The following SLC12A3 variants were observed in gnomAD, a reference collection of about 807,000 sequenced individuals.
SLC12A3 encodes the protein solute carrier family 12 member 3, also known as Na-Cl cotransporter.
In SLC12A3, 104 loss-of-function variants were observed where a neutral mutation model predicts 121.0. That is an observed-to-expected ratio of 0.86 (90% confidence interval 0.73 to 1.01). The LOEUF is 1.01. Ranked by LOEUF, SLC12A3 falls within the 50% of genes least tolerant of loss-of-function variation. The probability of loss-of-function intolerance (pLI) is 0.00; values close to 1 mark genes in which losing one functional copy is unlikely to be tolerated. For synonymous variants in SLC12A3, 536 were observed against 533.4 expected (o/e 1.00, Z -0.07); for missense variants, 1,328 against 1,356.3 (o/e 0.98, Z 0.33).
chr16:56,887,306 G>A (rs1428087529), intron 17 of SLC12A3, among the ~76,000 whole-genome samples: 1 of 152,088 alleles, frequency 6.6e-6, no homozygotes. Context: ...CCGGGTTCAA[G>A]TGATTCTCCT....
At chr16:56,868,707 G>A (rs1964419207) in intron 3 of SLC12A3, among the ~76,000 whole-genome samples, 1 of 152,108 alleles carries the variant, frequency 6.6e-6, no homozygotes, top group Non-Finnish European at 1.5e-5. Context: ...TCACGCTTTG[G>A]GAGGCTGTAA....
At chr16:56,873,374 CTTTTTTTT>C (rs59478629) in intron 8 of SLC12A3, among the ~76,000 whole-genome samples, 14 of 75,372 alleles carry the variant, frequency 1.9e-4, no homozygotes, top group Non-Finnish European at 2.2e-4. Flanking sequence ...CTCTTTCTTT[CTTTTTTTT>C]TTTTTTTTTT....
chr16:56,902,526 GGTGGGA>G lies in SLC12A3; in HGVS notation c.2856+19_2856+24del. ...GAGTCAAGGTGCAGAGAGGGGTGGG[GGTGGGA>G]AACGCGACACATCACTGGGTCAGGG... On this transcript the variant is annotated intron_variant, in intron 24 of 25. Transcript: ENST00000563236. The G allele has an allele frequency of 6.4e-7, 1 of 1,554,324 alleles. No homozygotes were observed. The highest frequency in any genetic ancestry group is 8.8e-7 in the Non-Finnish European group (1 of 1,131,940).
chr16:56,886,711 C>T (rs1282960689), intron 16 of SLC12A3, among the ~76,000 whole-genome samples: 3 of 152,086 alleles, frequency 2.0e-5, no homozygotes, highest in Admixed American at 6.5e-5. Flanking sequence ...CCCATTCTCT[C>T]CCCTTCCTGG....
chr16:56,875,260 T>A (rs1224653352), intron 8 of SLC12A3, among the ~76,000 whole-genome samples: 1 of 152,100 alleles, frequency 6.6e-6, no homozygotes, highest in Non-Finnish European at 1.5e-5. Flanking sequence ...CACTGTGACA[T>A]TTTGGGCAAG....
At chr16:56,906,619 A>C in intron 25 of SLC12A3, 1 of 372,136 alleles carries the variant, frequency 2.7e-6, no homozygotes. Context: ...TATGTCCTTC[A>C]CCCTGGGAAG....
Position 56,878,068 on chromosome 16 carries a change from CTCCTTCAGGA to C in SLC12A3, c.1096-8_1097del. ...CCTCCCTCCCTCCCTCTCTCCCTCC[CTCCTTCAGGA>C]CCCTGCTATAGCCATCCCCAAGGGG... is the stretch of plus-strand genomic sequence containing the variant. On this transcript the variant is annotated splice_acceptor_variant and splice_polypyrimidine_tract_variant and coding_sequence_variant and intron_variant, in exon 9 of 26. Coordinates refer to ENST00000563236, the MANE Select transcript of SLC12A3 (RefSeq NM_001126108.2). LOFTEE classifies it high-confidence loss of function. 1 of 1,373,248 alleles carries C rather than the reference CTCCTTCAGGA, an allele frequency of 7.3e-7. No homozygotes were observed. Among genetic ancestry groups the C allele is most frequent in the Non-Finnish European group, 1.0e-6 (1 of 988,048 alleles). 85.1% of individuals were successfully genotyped at this position (1,373,248 alleles called of 1,614,324 possible). A position where few individuals can be genotyped will look rare whatever the true frequency, so the allele number is the denominator to read the frequency against.
At chr16:56,879,814 C>A (rs1434694726) in intron 11 of SLC12A3, among the ~76,000 whole-genome samples, 165 bp downstream of exon 11, 1 of 152,134 alleles carries the variant, frequency 6.6e-6, no homozygotes, top group Non-Finnish European at 1.5e-5. Context: ...TTGAAGGAAG[C>A]AGCCCCCTCC....
In SLC12A3 at chr16:56,893,063, C is replaced by A. The variant is rs2055411956; in HGVS notation, c.2521+9C>A. The A allele has an allele frequency of 6.2e-7, 1 of 1,610,810 alleles. No homozygotes were observed. Among genetic ancestry groups the A allele is most frequent in the Non-Finnish European group, 8.5e-7 (1 of 1,177,068 alleles). ...GCTCTTTGACGATGGAGGTCAGTGA[C>A]CCCCTTGGATCAGCCCTCCTGCCCG... On this transcript the variant is annotated intron_variant, in intron 21 of 25. Transcript: ENST00000563236.
At chr16:56,894,971 G>T (rs2055442244) in intron 22 of SLC12A3, among the ~76,000 whole-genome samples, 1 of 149,184 alleles carries the variant, frequency 6.7e-6, no homozygotes, top group African/African-American at 2.5e-5. Context: ...AGAAAGAAAA[G>T]GAATCCATTT....
chr16:56,883,927 GTACA>G, intron 13 of SLC12A3, 118 bp from the exon 14 acceptor site: 1 of 1,080,562 alleles, frequency 9.3e-7, no homozygotes. Flanking sequence ...TGGCTGGTGG[GTACA>G]GGCTGGGACC....
chr16:56,912,549 A>G (rs2055700036), intron 25 of SLC12A3, among the ~76,000 whole-genome samples: 1 of 152,194 alleles, frequency 6.6e-6, no homozygotes, highest in African/African-American at 2.4e-5. Flanking sequence ...AGGGCTGGAG[A>G]GGCAAGCCTG....
chr16:56,893,970 A>T (rs1280164830), intron 21 of SLC12A3, among the ~76,000 whole-genome samples: 1 of 86,226 alleles, frequency 1.2e-5, no homozygotes, highest in Admixed American at 1.3e-4. Context: ...TTTTATTTTT[A>T]TTTTATTTAT....
intron 22 of SLC12A3, among the ~76,000 whole-genome samples, chr16:56,896,114 G>GGCAGTGTCTCCAATGCATGGGAT (rs2055458841): frequency 6.6e-6 from 1 of 152,230 alleles, no homozygotes; most frequent in Admixed American, 6.5e-5. Flanking sequence ...CCTGCTTTAA[G>GGCAGTGTCTCCAATGCATGGGAT]GCAGTGTCTC....
chr16:56,878,963 G>A, intron 9 of SLC12A3, 110 bp from the exon 10 acceptor site: 1 of 1,307,992 alleles, frequency 7.6e-7, no homozygotes, highest in Non-Finnish European at 1.1e-6. Context: ...CATAATGAAG[G>A]GACAGCTGCC....
intron 23 of SLC12A3, among the ~76,000 whole-genome samples, chr16:56,900,774 A>C (rs1596947017): frequency 6.6e-6 from 1 of 151,884 alleles, no homozygotes; most frequent in Non-Finnish European, 1.5e-5. Context: ...CAGGTGACCC[A>C]CCCGCCTTGG....
intron 12 of SLC12A3, among the ~76,000 whole-genome samples, chr16:56,881,133 T>A (rs1351728497): frequency 6.6e-6 from 1 of 151,714 alleles, no homozygotes; most frequent in African/African-American, 2.4e-5. Context: ...TATGCAGGAG[T>A]GGGATGGGGG....
At chr16:56,897,064 C>T (rs569671044) in intron 22 of SLC12A3, among the ~76,000 whole-genome samples, 1 of 151,528 alleles carries the variant, frequency 6.6e-6, no homozygotes, top group African/African-American at 2.4e-5. Context: ...TGTACTCCAG[C>T]CTGGGCAACT....
At chr16:56,890,706 C>T (rs2055377492) in intron 19 of SLC12A3, among the ~76,000 whole-genome samples, 1 of 152,080 alleles carries the variant, frequency 6.6e-6, no homozygotes, top group African/African-American at 2.4e-5. Context: ...CAAGACCAGC[C>T]TGGCCAACAT....
Sources: allele counts gnomAD v4.1 joint callset (sites outside exome capture counted in the v4.1 genomes callset), GRCh38; gene constraint gnomAD v4.1.1; transcripts MANE v1.5; gene names NCBI Gene and HGNC (gene_info 2026-07-23, HGNC 2026-07-21).